PHF21B: variants seen among roughly 807,000 people sequenced by gnomAD.
The protein encoded by PHF21B is PHD finger protein 4.
In PHF21B, 22 loss-of-function variants were observed where a neutral mutation model predicts 62.2. The observed-to-expected ratio is 0.35, with a 90% confidence interval of 0.25 to 0.51. PHF21B has a LOEUF of 0.51. PHF21B is among the 20% of genes least tolerant of loss of function. PHF21B has a pLI of 0.97. For missense variants in PHF21B, 701 were observed against 707.9 expected (o/e 0.99, Z 0.11); for synonymous variants, 341 against 314.7 (o/e 1.08, Z -0.88).
rs970400230 is a variant in PHF21B, at chr22:44,892,599, G to A, written c.960+858C>T. ...CAACACACCAGGCACTGACCTCGGG[G>A]GACATCGTTTCCCTCAGGACAGCTG... On this transcript the variant is annotated intron_variant, in intron 7 of 12. Transcript: ENST00000313237. 5.3e-5 allele frequency among the ~76,000 whole-genome samples: 8 copies of A among 152,192 alleles called. No individual in the cohort carries two copies. In the East Asian group the frequency reaches 1.5e-3, roughly 29 times the overall value.
chr22:44,981,868 G>T (rs548711839), intron 2 of PHF21B, among the ~76,000 whole-genome samples: 1 of 152,260 alleles, frequency 6.6e-6, no homozygotes, highest in East Asian at 1.9e-4. Flanking sequence ...GGTAACAAAA[G>T]TGTATCCAGT....
chr22:44,882,919 G>T lies in PHF21B; in HGVS notation c.*167C>A. ...GGGCACAGGGCCGCACCCCCACCTGGTCCTGGCTCTAGGCCTCTCGCCCAG... is the reference window on the plus strand; with the variant it reads ...GGGCACAGGGCCGCACCCCCACCTGTTCCTGGCTCTAGGCCTCTCGCCCAG... On this transcript the variant is annotated 3_prime_UTR_variant, in exon 13 of 13. Transcript: ENST00000313237. The T allele has an allele frequency of 3.6e-6, 3 of 826,968 alleles. No individual in the cohort carries two copies. Among genetic ancestry groups the T allele is most frequent in the South Asian group, 1.8e-5 (1 of 55,006 alleles). The allele number at this position is 826,968 out of a possible 1,614,324, so 51.2% of individuals were successfully genotyped here.
chr22:44,881,432 A>G lies in PHF21B; in HGVS notation c.*1654T>C, dbSNP rs933268193. The G allele has an allele frequency of 2.6e-5, 4 of 152,714 alleles. No homozygotes were observed. The highest frequency in any genetic ancestry group is 9.6e-5 in the African/African-American group (4 of 41,464). The allele number at this position is 152,714 out of a possible 1,614,324, so 9.5% of individuals were successfully genotyped here. A position where few individuals can be genotyped will look rare whatever the true frequency, so the allele number is the denominator to read the frequency against. On this transcript the variant is annotated 3_prime_UTR_variant, in exon 13 of 13. Coordinates refer to ENST00000313237, the MANE Select transcript of PHF21B (RefSeq NM_138415.5). Reference sequence around the variant, plus strand: ...GGAAGCTGAAGACATGGACATCGCAAGCCACGCGGTAATGCATACTTGGCA... The same window carrying G: ...GGAAGCTGAAGACATGGACATCGCAGGCCACGCGGTAATGCATACTTGGCA...
intron 2 of PHF21B, among the ~76,000 whole-genome samples, chr22:44,943,606 G>A (rs1390904479): frequency 1.3e-5 from 2 of 152,060 alleles, no homozygotes; most frequent in African/African-American, 2.4e-5. Flanking sequence ...GGCTCACACC[G>A]GGATACTTGA....
At chr22:44,896,882 T>G (rs951526425) in intron 5 of PHF21B, among the ~76,000 whole-genome samples, 1 of 120,618 alleles carries the variant, frequency 8.3e-6, no homozygotes, top group African/African-American at 2.9e-5. Flanking sequence ...TTTTATCTGT[T>G]TTTTTTTTTT....
At chr22:45,008,312 T>A in intron 2 of PHF21B, 1 of 375,144 alleles carries the variant, frequency 2.7e-6, no homozygotes, top group Non-Finnish European at 4.7e-6. Flanking sequence ...GCGCTGCCTT[T>A]TAAGTGAGCT....
At position 44,914,056 on chromosome 22, in the gene PHF21B, G is replaced by C; in HGVS notation, c.597C>G (p.Pro199=). The C allele has an allele frequency of 7.7e-7, 1 of 1,304,176 alleles. No homozygotes were observed. The highest frequency in any genetic ancestry group is 1.1e-6 in the Non-Finnish European group (1 of 920,952). 80.8% of individuals were successfully genotyped at this position (1,304,176 alleles called of 1,614,324 possible). ...PPPRLLSSPH[P]ATHHCPLHPS... ...GGTGGAGGGGACAGTGATGGGTTGC[G>C]GGGTGAGGGGAAGAGAGGAGGCGTG... Residue 199 remains proline (P), a synonymous_variant, in exon 5 of 13, where the codon CCC becomes CCG. Coordinates refer to ENST00000313237, the MANE Select transcript of PHF21B (RefSeq NM_138415.5).
At chr22:44,951,385 G>A (rs1004854290) in intron 2 of PHF21B, among the ~76,000 whole-genome samples, 1 of 152,174 alleles carries the variant, frequency 6.6e-6, no homozygotes, top group Non-Finnish European at 1.5e-5. Flanking sequence ...GGGGTAATGC[G>A]AGCAATGGGG....
At chr22:44,948,578 A>G (rs2072125873) in intron 2 of PHF21B, among the ~76,000 whole-genome samples, 1 of 151,998 alleles carries the variant, frequency 6.6e-6, no homozygotes, top group African/African-American at 2.4e-5. Flanking sequence ...GTAGTCCCAG[A>G]TACTTGGGAG....
At chr22:44,967,689 GCA>G (rs1177080048) in intron 2 of PHF21B, among the ~76,000 whole-genome samples, 2 of 152,196 alleles carry the variant, frequency 1.3e-5, no homozygotes, top group African/African-American at 2.4e-5. Context: ...CCAATGTCAT[GCA>G]CACAGTTTGT....
At chr22:44,944,565 G>C (rs771893453) in intron 2 of PHF21B, among the ~76,000 whole-genome samples, 1 of 152,184 alleles carries the variant, frequency 6.6e-6, no homozygotes, top group Non-Finnish European at 1.5e-5. Context: ...CAGAGTTTGG[G>C]AATTTCCTAA....
At chr22:44,925,911 G>C (rs891113092) in intron 2 of PHF21B, among the ~76,000 whole-genome samples, 4 of 152,222 alleles carry the variant, frequency 2.6e-5, no homozygotes, top group Admixed American at 2.0e-4. Flanking sequence ...TCAACAGTCA[G>C]GGCCCCAGGC....
chr22:44,949,091 CAGG>C (rs1365870368), intron 2 of PHF21B, among the ~76,000 whole-genome samples: 5 of 152,144 alleles, frequency 3.3e-5, no homozygotes, highest in African/African-American at 9.7e-5. Flanking sequence ...CACCTGAGGT[CAGG>C]AGTTCAGTAC....
intron 2 of PHF21B, 150 bp downstream of exon 2, chr22:45,008,395 G>C: frequency 4.6e-6 from 3 of 649,302 alleles, no homozygotes; most frequent in Non-Finnish European, 6.7e-6. Context: ...TTCCAGGAAA[G>C]GGGAGGGGTG....
intron 2 of PHF21B, among the ~76,000 whole-genome samples, chr22:44,973,443 G>A (rs556919218): frequency 1.3e-5 from 2 of 152,200 alleles, no homozygotes; most frequent in African/African-American, 2.4e-5. Flanking sequence ...AGAGACAGGC[G>A]GAGACAGAGA....
intron 2 of PHF21B, among the ~76,000 whole-genome samples, chr22:44,973,831 T>A (rs897661742): frequency 2.0e-5 from 3 of 152,220 alleles, no homozygotes. Context: ...GAACAAGACC[T>A]AGCCCAGCAC....
chr22:44,973,034 G>T (rs2072669397), intron 2 of PHF21B, among the ~76,000 whole-genome samples: 1 of 152,196 alleles, frequency 6.6e-6, no homozygotes, highest in African/African-American at 2.4e-5. Context: ...CCCACTCCGG[G>T]CTCTGATGAC....
At chr22:44,952,527 G>C (rs924867604) in intron 2 of PHF21B, among the ~76,000 whole-genome samples, 1 of 152,202 alleles carries the variant, frequency 6.6e-6, no homozygotes, top group East Asian at 1.9e-4. Context: ...AAAAAGTCAA[G>C]TTCCAAGTGG....
rs1601709581 is a variant in PHF21B, at chr22:45,009,318, C to A, written c.54+178G>T. On this transcript the variant is annotated intron_variant, in intron 1 of 12. Coordinates refer to ENST00000313237, the MANE Select transcript of PHF21B (RefSeq NM_138415.5). This position sits in a 1 kb window ranked among gnomAD's most constrained non-coding sequence, Gnocchi z 5.9. ...TGTGCAGGACAGCGCCAGGGGCAGG[C>A]GGAGGGGAGCCCAGAAGGGGGTCCG... 4 of 655,896 alleles carry A rather than the reference C, an allele frequency of 6.1e-6. No homozygotes were observed. Among genetic ancestry groups the A allele is most frequent in the Admixed American group, 3.3e-5 (1 of 30,312 alleles). The allele number at this position is 655,896 out of a possible 1,614,324, so 40.6% of individuals were successfully genotyped here. A position where few individuals can be genotyped will look rare whatever the true frequency, so the allele number is the denominator to read the frequency against.
Sources: allele counts gnomAD v4.1 joint callset (sites outside exome capture counted in the v4.1 genomes callset), GRCh38; gene constraint gnomAD v4.1.1; non-coding constraint Gnocchi (gnomAD v3.1); transcripts MANE v1.5; gene names NCBI Gene and HGNC (gene_info 2026-07-23, HGNC 2026-07-21).